RALGAPA1: variants seen among roughly 807,000 people sequenced by gnomAD.
RALGAPA1 encodes the protein Ral GTPase activating protein catalytic subunit alpha 1.
Under a neutral mutation model 269.6 loss-of-function variants are expected in RALGAPA1, and 52 were observed. That is an observed-to-expected ratio of 0.19 (90% confidence interval 0.15 to 0.24). The LOEUF is 0.24. Ranked by LOEUF, RALGAPA1 falls within the 10% of genes least tolerant of loss-of-function variation. The probability of loss-of-function intolerance (pLI) is 1.00; values close to 1 mark genes in which losing one functional copy is unlikely to be tolerated. For missense variants in RALGAPA1, 1,917 were observed against 3,013.9 expected (o/e 0.64, Z 8.52); for synonymous variants, 817 against 1,008.3 (o/e 0.81, Z 3.60).
chr14:35,617,344 A>T (rs534081743), intron 35 of RALGAPA1, among the ~76,000 whole-genome samples: 137 of 152,160 alleles, frequency 9.0e-4, no homozygotes, highest in Non-Finnish European at 1.7e-3. Context: ...TAGGCTGGGC[A>T]CAGTGGCGCA....
intron 37 of RALGAPA1, among the ~76,000 whole-genome samples, chr14:35,581,321 G>A (rs1229090185): frequency 6.6e-6 from 1 of 152,042 alleles, no homozygotes; most frequent in Non-Finnish European, 1.5e-5. Flanking sequence ...TCAGTATATA[G>A]AGAAATCAAT....
intron 39 of RALGAPA1, among the ~76,000 whole-genome samples, chr14:35,557,746 A>G (rs1183987271): frequency 6.6e-6 from 1 of 152,224 alleles, no homozygotes; most frequent in Non-Finnish European, 1.5e-5. Context: ...TTACAGATTT[A>G]CTGATTTTAC....
chr14:35,650,070 G>A (rs2062709802), intron 31 of RALGAPA1, among the ~76,000 whole-genome samples: 1 of 152,078 alleles, frequency 6.6e-6, no homozygotes, highest in African/African-American at 2.4e-5. Flanking sequence ...TAAAGCGAAG[G>A]ATTCTTGGCT....
rs1595638831 is a variant in RALGAPA1 at position 35,808,967 on chromosome 14, G to A, written c.-132C>T. Reference sequence around the variant, plus strand: ...ATTAGCTCCCCAGCCTTGCGGGCCAGGGCAGAGCCGACTCCTTCCCGATCC... The same window carrying A: ...ATTAGCTCCCCAGCCTTGCGGGCCAAGGCAGAGCCGACTCCTTCCCGATCC... On this transcript the variant is annotated 5_prime_UTR_variant, in exon 1 of 42. Transcript: ENST00000680220. The A allele has an allele frequency of 4.9e-6, 7 of 1,442,940 alleles. No homozygotes were observed. In the East Asian group the frequency reaches 1.0e-4, roughly 21 times the overall value. 89.4% of individuals were successfully genotyped at this position (1,442,940 alleles called of 1,614,324 possible).
chr14:35,655,670 T>A, intron 29 of RALGAPA1, 137 bp downstream of exon 29: 1 of 1,275,064 alleles, frequency 7.8e-7, no homozygotes, highest in Non-Finnish European at 1.0e-6. Context: ...AAGGAATGAG[T>A]CAGGATCAAG....
chr14:35,567,990 CAAAGGTCAGAGAGT>C (rs2056848634), intron 39 of RALGAPA1, among the ~76,000 whole-genome samples: 1 of 152,048 alleles, frequency 6.6e-6, no homozygotes, highest in South Asian at 2.1e-4. Context: ...GTGAAAGAGG[CAAAGGTCAGAGAGT>C]AAACATCCTT....
intron 1 of RALGAPA1, among the ~76,000 whole-genome samples, chr14:35,780,535 A>G (rs1163165915): frequency 6.6e-6 from 1 of 152,236 alleles, no homozygotes; most frequent in Admixed American, 6.5e-5. Context: ...CCACAGTGGA[A>G]TGAAATTAGA....
intron 36 of RALGAPA1, among the ~76,000 whole-genome samples, chr14:35,602,627 T>C (rs1246005753): frequency 1.3e-5 from 2 of 152,188 alleles, no homozygotes; most frequent in South Asian, 4.1e-4. Flanking sequence ...AAATGTCTAT[T>C]AGGTCCTTTG....
intron 1 of RALGAPA1, among the ~76,000 whole-genome samples, chr14:35,792,205 G>A (rs1404558405): frequency 6.6e-6 from 1 of 151,968 alleles, no homozygotes; most frequent in East Asian, 2.0e-4. Flanking sequence ...TGCTCAGACT[G>A]GAGTGCAGTG....
At chr14:35,590,883 G>C (rs2058594270) in intron 37 of RALGAPA1, among the ~76,000 whole-genome samples, 1 of 152,226 alleles carries the variant, frequency 6.6e-6, no homozygotes, top group African/African-American at 2.4e-5. Context: ...ATCATGTTCA[G>C]TTGGTTACAT....
At chr14:35,562,556 A>G (rs2056351737) in intron 39 of RALGAPA1, among the ~76,000 whole-genome samples, 2 of 152,176 alleles carry the variant, frequency 1.3e-5, no homozygotes, top group Admixed American at 1.3e-4. Flanking sequence ...TCAAAATAAA[A>G]AACCCTTGTA....
chr14:35,748,618 A>T lies in RALGAPA1; in HGVS notation c.1218T>A (p.Ser406Arg), dbSNP rs1437795820. 1.5e-5 allele frequency: 24 copies of T among 1,610,578 alleles called. No individual in the cohort carries two copies. The Admixed American group carries it at 3.7e-4, about 25-fold the overall frequency. Residue 406 changes from serine to arginine, a missense_variant, in exon 10 of 42, where the codon AGT becomes AGA. By Grantham distance (110) the Ser-to-Arg change is moderately radical. Transcript: ENST00000680220. ...IVRRVFSSKR[S>R]NVNFVTEIFR... ...ATATCTCTGTCACAAAGTTTACATTACTCCTTTTAGAAGAAAAAACTCTGC... is the reference window on the plus strand; with the variant it reads ...ATATCTCTGTCACAAAGTTTACATTTCTCCTTTTAGAAGAAAAAACTCTGC...
intron 41 of RALGAPA1, among the ~76,000 whole-genome samples, chr14:35,547,025 G>A (rs971504676): frequency 2.6e-5 from 4 of 151,990 alleles, no homozygotes; most frequent in Admixed American, 2.0e-4. Context: ...ATATAGAAAC[G>A]TATTCAGTAA....
intron 36 of RALGAPA1, among the ~76,000 whole-genome samples, chr14:35,601,948 T>C (rs1033215795): frequency 3.9e-5 from 6 of 152,096 alleles, no homozygotes; most frequent in Non-Finnish European, 7.4e-5. Context: ...AGAAACCCCA[T>C]ATCTTTTAGT....
At position 35,714,976 on chromosome 14, in the gene RALGAPA1, C is replaced by A. The variant is rs2068685453; in HGVS notation, c.2266+6712G>T. 2.0e-5 allele frequency among the ~76,000 whole-genome samples: 3 copies of A among 152,142 alleles called. No homozygotes were observed. In the South Asian group the frequency reaches 6.2e-4, roughly 31 times the overall value. ...TTTCAGCATAACTGTTTTTCTCTGGCAGATTATGCATTTTTTCTCTTTGCA... is the reference window on the plus strand; with the variant it reads ...TTTCAGCATAACTGTTTTTCTCTGGAAGATTATGCATTTTTTCTCTTTGCA... On this transcript the variant is annotated intron_variant, in intron 16 of 41. Coordinates refer to ENST00000680220, the MANE Select transcript of RALGAPA1 (RefSeq NM_001346249.2).
At chr14:35,790,659 G>A (rs910307530) in intron 1 of RALGAPA1, among the ~76,000 whole-genome samples, 13 of 146,456 alleles carry the variant, frequency 8.9e-5, no homozygotes, top group Admixed American at 4.2e-4. Flanking sequence ...CTGCACTCCA[G>A]CCTGGGTGAC....
At chr14:35,604,658 CTG>C (rs2059484136) in intron 36 of RALGAPA1, among the ~76,000 whole-genome samples, 1 of 151,710 alleles carries the variant, frequency 6.6e-6, no homozygotes, top group African/African-American at 2.4e-5. Flanking sequence ...AAATTGAAAA[CTG>C]TAATAATAAT....
rs1374624995 is a variant in RALGAPA1, at chr14:35,667,117, TG to T, written c.5203-2351del. ...TCTAACTACTTTAAAAAAACTTAAC[TG>T]TGGCCAGGCGCGGTGGCTCATGCCG... On this transcript the variant is annotated intron_variant, in intron 26 of 41. Transcript: ENST00000680220. Among the ~76,000 whole-genome samples the T allele has an allele frequency of 2.6e-5, 4 of 152,210 alleles. No individual in the cohort carries two copies. The East Asian group carries it at 7.7e-4, about 29-fold the overall frequency.
intron 37 of RALGAPA1, among the ~76,000 whole-genome samples, chr14:35,582,656 A>T (rs543708766): frequency 1.3e-5 from 2 of 152,362 alleles, no homozygotes; most frequent in Admixed American, 6.5e-5. Flanking sequence ...TTTTATTTCC[A>T]AGAGCTCTAC....
Sources: allele counts gnomAD v4.1 joint callset (sites outside exome capture counted in the v4.1 genomes callset), GRCh38; gene constraint gnomAD v4.1.1; transcripts MANE v1.5; gene names NCBI Gene and HGNC (gene_info 2026-07-23, HGNC 2026-07-21).